Variants in SLC16A10 observed in about 807,000 individuals in gnomAD.
SLC16A10 encodes the protein monocarboxylate transporter 10.
Under a neutral mutation model 40.0 loss-of-function variants are expected in SLC16A10, and 27 were observed. The ratio of observed to expected loss-of-function variants is 0.67; its 90% confidence interval spans 0.50 to 0.93. The LOEUF is 0.93. SLC16A10 is among the 40% of genes least tolerant of loss of function. The pLI is 0.00. For missense variants in SLC16A10, 529 were observed against 658.2 expected, an observed-to-expected ratio of 0.80 and a Z score of 2.15; for synonymous variants, 213 against 249.8, an observed-to-expected ratio of 0.85 and a Z score of 1.39.
At chr6:111,207,151 G>C (rs1454577033) in intron 4 of SLC16A10, among the ~76,000 whole-genome samples, 1 of 152,164 alleles carries the variant, frequency 6.6e-6, no homozygotes, top group Non-Finnish European at 1.5e-5. Flanking sequence ...ACTTCTATAG[G>C]CAGTTTTTCA....
chr6:111,188,984 A>C (rs1772946897), intron 3 of SLC16A10, among the ~76,000 whole-genome samples: 1 of 152,206 alleles, frequency 6.6e-6, no homozygotes, highest in Non-Finnish European at 1.5e-5. Flanking sequence ...GTTTATTCTA[A>C]TGGCAACCTT....
At chr6:111,169,919 C>CTTTTTT (rs60561269) in intron 1 of SLC16A10, among the ~76,000 whole-genome samples, 3 of 135,110 alleles carry the variant, frequency 2.2e-5, no homozygotes, top group Admixed American at 7.7e-5. Context: ...TCTTTTCTTT[C>CTTTTTT]TTTTTTTTTT....
intron 4 of SLC16A10, among the ~76,000 whole-genome samples, chr6:111,207,150 G>A (rs567328146): frequency 1.8e-4 from 28 of 152,300 alleles, no homozygotes; most frequent in Non-Finnish European, 3.4e-4. Flanking sequence ...AACTTCTATA[G>A]GCAGTTTTTC....
intron 1 of SLC16A10, among the ~76,000 whole-genome samples, chr6:111,157,938 T>G (rs1425033109): frequency 6.6e-6 from 1 of 150,544 alleles, no homozygotes; most frequent in African/African-American, 2.4e-5. Context: ...GAAAAAGAAC[T>G]GTGATCCTAG....
intron 1 of SLC16A10, among the ~76,000 whole-genome samples, chr6:111,138,822 T>C (rs1771929479): frequency 1.3e-5 from 2 of 152,114 alleles, no homozygotes; most frequent in African/African-American, 4.8e-5. Flanking sequence ...CTTAGTTCCT[T>C]CCTAGCTCTT....
At chr6:111,137,430 CT>C (rs1771898791) in intron 1 of SLC16A10, among the ~76,000 whole-genome samples, 2 of 152,308 alleles carry the variant, frequency 1.3e-5, no homozygotes, top group African/African-American at 4.8e-5. Flanking sequence ...AAATAATCCC[CT>C]GCACTTCAGG....
At chr6:111,199,494 A>G (rs1198219260) in intron 3 of SLC16A10, among the ~76,000 whole-genome samples, 2 of 152,162 alleles carry the variant, frequency 1.3e-5, no homozygotes, top group Non-Finnish European at 2.9e-5. Flanking sequence ...GGTGGAATTA[A>G]TAAAAATTTA....
At chr6:111,092,721 A>C (rs562327591) in intron 1 of SLC16A10, among the ~76,000 whole-genome samples, 3 of 152,084 alleles carry the variant, frequency 2.0e-5, no homozygotes, top group Non-Finnish European at 4.4e-5. Flanking sequence ...AATACAATTA[A>C]GTGGAACATT....
At chr6:111,089,888 C>T (rs1770941913) in intron 1 of SLC16A10, among the ~76,000 whole-genome samples, 1 of 114,134 alleles carries the variant, frequency 8.8e-6, no homozygotes, top group South Asian at 2.9e-4. Flanking sequence ...TTAAGTAGAT[C>T]CTTTGGTGTC....
chr6:111,215,005 G>C (rs1773398217), intron 4 of SLC16A10, among the ~76,000 whole-genome samples: 1 of 152,064 alleles, frequency 6.6e-6, no homozygotes. Context: ...TATAGTCCCA[G>C]CTACTCGGGA....
chr6:111,161,832 T>C (rs1363985774), intron 1 of SLC16A10, among the ~76,000 whole-genome samples: 1 of 151,814 alleles, frequency 6.6e-6, no homozygotes, highest in Non-Finnish European at 1.5e-5. Flanking sequence ...GCTTCTTTGG[T>C]CTTATTTTCC....
chr6:111,107,239 C>T (rs1009207414), intron 1 of SLC16A10, among the ~76,000 whole-genome samples: 1 of 152,124 alleles, frequency 6.6e-6, no homozygotes, highest in African/African-American at 2.4e-5. Context: ...CTTGTTACAA[C>T]ATGTCTGAAC....
rs1398970709 is a variant in SLC16A10 at position 111,224,921 on chromosome 6, C to T, written c.*2686C>T. 4 of 152,140 alleles carry T rather than the reference C, an allele frequency of 2.6e-5. No homozygotes were observed. Among genetic ancestry groups the T allele is most frequent in the African/African-American group, 9.7e-5 (4 of 41,424 alleles). The allele number at this position is 152,140 out of a possible 1,614,324, so 9.4% of individuals were successfully genotyped here. On this transcript the variant is annotated 3_prime_UTR_variant, in exon 6 of 6. Transcript: ENST00000368851. ...AGTCAGAACTCTGTTTTTATCTCCT[C>T]ATCCTGTTTTTGATAAGACTCAGAA...
At position 111,087,613 on chromosome 6, in the gene SLC16A10, A is replaced by T; in HGVS notation, c.-140A>T. The T allele has an allele frequency of 2.6e-6, 1 of 384,394 alleles. No homozygotes were observed. Among genetic ancestry groups the T allele is most frequent in the East Asian group, 5.5e-5 (1 of 18,064 alleles). The allele number at this position is 384,394 out of a possible 1,614,324, so 23.8% of individuals were successfully genotyped here. A position where few individuals can be genotyped will look rare whatever the true frequency, so the allele number is the denominator to read the frequency against. On this transcript the variant is annotated 5_prime_UTR_variant, in exon 1 of 6. Coordinates refer to ENST00000368851, the MANE Select transcript of SLC16A10 (RefSeq NM_018593.5). The stretch of plus-strand genomic sequence containing the variant: ...GCGCGCTGGCCGCCTGCGCGCTGCC[A>T]GCCCGCCCGCCCGCCAGGGGCTCCG...
At chr6:111,113,235 A>G (rs1261702252) in intron 1 of SLC16A10, among the ~76,000 whole-genome samples, 1 of 152,088 alleles carries the variant, frequency 6.6e-6, no homozygotes, top group Non-Finnish European at 1.5e-5. Context: ...CAACTGGCTT[A>G]TGGTTAAATG....
chr6:111,197,226 G>A (rs554201100), intron 3 of SLC16A10, among the ~76,000 whole-genome samples: 1 of 152,244 alleles, frequency 6.6e-6, no homozygotes, highest in Admixed American at 6.5e-5. Context: ...GGAGACTTTG[G>A]CAAAGTAGCA....
At chr6:111,172,659 GTCATAATTCCCCCCA>G in intron 1 of SLC16A10, 21 bp from the exon 2 acceptor site, 1 of 1,601,136 alleles carries the variant, frequency 6.2e-7, no homozygotes, top group Non-Finnish European at 8.5e-7. Flanking sequence ...AACTTACCAT[GTCATAATTCCCCCCA>G]CGCTTTCCCT....
At position 111,087,816 on chromosome 6, in the gene SLC16A10, C is replaced by T; in HGVS notation, c.64C>T (p.Pro22Ser). The T allele has an allele frequency of 1.5e-6, 2 of 1,330,704 alleles. No individual in the cohort carries two copies. The highest frequency in any genetic ancestry group is 9.5e-7 in the Non-Finnish European group (1 of 1,048,130). 82.4% of individuals were successfully genotyped at this position (1,330,704 alleles called of 1,614,324 possible). The change falls in exon 1 of 6, where the codon CCC becomes TCC. Residue 22 changes from proline (P) to serine (S), a missense_variant. By Grantham distance (74) the Pro-to-Ser change is moderately conservative. Coordinates refer to ENST00000368851, the MANE Select transcript of SLC16A10 (RefSeq NM_018593.5). ...RGTSEAQPLG[P>S]APTGAAPPPG... ...CACGAGCGAGGCGCAGCCGCTCGGC[C>T]CCGCGCCCACGGGGGCCGCTCCGCC...
intron 4 of SLC16A10, among the ~76,000 whole-genome samples, chr6:111,207,181 G>A (rs35929393): frequency 0.02 from 2,974 of 152,302 alleles, 39 homozygotes; most frequent in Non-Finnish European, 0.029. Context: ...TTAGTTATTA[G>A]TTTGGGTTTT....
Sources: allele counts gnomAD v4.1 joint callset (sites outside exome capture counted in the v4.1 genomes callset), GRCh38; gene constraint gnomAD v4.1.1; transcripts MANE v1.5; gene names NCBI Gene and HGNC (gene_info 2026-07-23, HGNC 2026-07-21).